Variants in XK observed in about 807,000 individuals in gnomAD.
XK encodes the protein endoplasmic reticulum membrane adapter protein XK.
A neutral mutation model predicts 14.0 loss-of-function variants in XK; 2 were observed. The observed-to-expected ratio is 0.14, with a 90% CI of 0.06 to 0.45. The LOEUF is 0.45. Among genes scored for constraint, XK ranks in the 20% least tolerant of loss-of-function variants. The probability of loss-of-function intolerance (pLI) is 0.98; values close to 1 mark genes in which losing one functional copy is unlikely to be tolerated. For synonymous variants in XK, 149 were observed against 147.5 expected, an observed-to-expected ratio of 1.01 and a Z score of -0.08; for missense variants, 235 against 341.5, an observed-to-expected ratio of 0.69 and a Z score of 2.46.
rs1001608297 is a variant in XK at position 37,691,915 on chromosome X, C to T, written c.246-2371C>T. Among the ~76,000 whole-genome samples, 113 of 111,184 alleles carry T rather than the reference C, an allele frequency of 1.0e-3. 1 individual carries two copies. The highest frequency in any genetic ancestry group is 3.4e-3 in the African/African-American group (104 of 30,594). On this transcript the variant is annotated intron_variant, in intron 1 of 2. Coordinates refer to ENST00000378616, the MANE Select transcript of XK (RefSeq NM_021083.4). Reference sequence around the variant, plus strand: ...CTCAGGAGTGAGGGTCCCTTGAGGCCAGCAGTTGGAGGCTGCAGTGAGCTA... The same window carrying T: ...CTCAGGAGTGAGGGTCCCTTGAGGCTAGCAGTTGGAGGCTGCAGTGAGCTA...
chrX:37,728,000 C>T lies in XK; in HGVS notation c.873C>T (p.Asn291=), dbSNP rs781985072. 1.7e-5 allele frequency: 20 copies of T among 1,209,516 alleles called. No individual in the cohort carries two copies. In the East Asian group the frequency reaches 5.9e-4, roughly 36 times the overall value. ...TAACTTTACTCTATACTGGTATCAA[C>T]ATGTTCTGCTGGTCTGCTGTACAGC... ...CFLTLLYTGI[N]MFCWSAVQLK... is the part of the protein sequence containing the mutation. Residue 291 remains asparagine (N), a synonymous_variant, in exon 3 of 3, where the codon AAC becomes AAT. Coordinates refer to ENST00000378616, the MANE Select transcript of XK (RefSeq NM_021083.4).
intron 2 of XK, among the ~76,000 whole-genome samples, chrX:37,713,145 G>T (rs782391092): frequency 8.9e-6 from 1 of 111,871 alleles, no homozygotes; most frequent in South Asian, 3.8e-4. Context: ...ATTTGTGTAG[G>T]TATCTGCAGG....
chrX:37,693,029 G>A (rs968405905), intron 1 of XK, among the ~76,000 whole-genome samples: 6 of 110,265 alleles, frequency 5.4e-5, no homozygotes, highest in Non-Finnish European at 9.5e-5. Flanking sequence ...ATGAACAATG[G>A]TATTAATCAC....
rs781875428 is a variant in XK, at chrX:37,729,375, T to G, written c.*913T>G. 1 of 111,917 alleles carries G rather than the reference T, an allele frequency of 8.9e-6. No individual in the cohort carries two copies. Among genetic ancestry groups the G allele is most frequent in the African/African-American group, 3.2e-5 (1 of 30,839 alleles). 9.2% of individuals were successfully genotyped at this position (111,917 alleles called of 1,213,427 possible). A position where few individuals can be genotyped will look rare whatever the true frequency, so the allele number is the denominator to read the frequency against. ...CCCAGTTCAGGTGTATAGGGAATTT[T>G]CATTTTCATTATTTCAAGGAATAGA... On this transcript the variant is annotated 3_prime_UTR_variant, in exon 3 of 3. Coordinates refer to ENST00000378616, the MANE Select transcript of XK (RefSeq NM_021083.4).
chrX:37,691,133 C>G (rs1021660493), intron 1 of XK, among the ~76,000 whole-genome samples: 1 of 112,426 alleles, frequency 8.9e-6, no homozygotes, highest in African/African-American at 3.2e-5. Flanking sequence ...GACCTTCTTT[C>G]ATTTCCATCA....
rs1556451256 is a variant in XK at position 37,731,819 on chromosome X, A to T, written c.*3357A>T. 1 of 112,282 alleles carries T rather than the reference A, an allele frequency of 8.9e-6. No homozygotes were observed. Among genetic ancestry groups the T allele is most frequent in the Non-Finnish European group, 1.9e-5 (1 of 53,223 alleles). The allele number at this position is 112,282 out of a possible 1,213,427, so 9.3% of individuals were successfully genotyped here. On this transcript the variant is annotated 3_prime_UTR_variant, in exon 3 of 3. Coordinates refer to ENST00000378616, the MANE Select transcript of XK (RefSeq NM_021083.4). ...ATTTTAGTATAGTTTTCGATAAAGG[A>T]TATAGCAACATCTTTTGATAATTGT...
At position 37,694,452 on chromosome X, in the gene XK, C is replaced by T. The variant is rs781856258; in HGVS notation, c.412C>T (p.Arg138Trp). ...AATCACCCACCGATCAGCGTTCAGCCGGGCGTCGGTGATCCAGGCTTTCTT... is the reference window on the plus strand; with the variant it reads ...AATCACCCACCGATCAGCGTTCAGCTGGGCGTCGGTGATCCAGGCTTTCTT... ...KLITHRSAFS[R>W]ASVIQAFLGS... Residue 138 changes from arginine to tryptophan, a missense_variant, in exon 2 of 3, where the codon CGG becomes TGG. Transcript: ENST00000378616. 5 of 1,190,961 alleles carry T rather than the reference C, an allele frequency of 4.2e-6. No individual in the cohort carries two copies. The highest frequency in any genetic ancestry group is 1.8e-5 in the South Asian group (1 of 54,545).
At chrX:37,723,319 C>T (rs781893050) in intron 2 of XK, among the ~76,000 whole-genome samples, 100 of 111,270 alleles carry the variant, frequency 9.0e-4, no homozygotes, top group Non-Finnish European at 1.9e-4. Flanking sequence ...TCATTCTCAT[C>T]GTTCATTAGA....
intron 2 of XK, among the ~76,000 whole-genome samples, chrX:37,698,354 G>GTGTCACACCTGTGACA (rs1927342443): frequency 6.4e-5 from 7 of 109,527 alleles, no homozygotes; most frequent in Non-Finnish European, 3.8e-5. Context: ...TGTGATCCTA[G>GTGTCACACCTGTGACA]CACTTTAGGA....
At chrX:37,688,059 CTTT>C (rs1222330719) in intron 1 of XK, among the ~76,000 whole-genome samples, 3 of 54,635 alleles carry the variant, frequency 5.5e-5, no homozygotes, top group African/African-American at 3.1e-4. Flanking sequence ...TTCTTTCTTT[CTTT>C]TTTTTTTTTT....
intron 2 of XK, among the ~76,000 whole-genome samples, chrX:37,704,681 C>A (rs1927477023): frequency 9.0e-6 from 1 of 111,472 alleles, no homozygotes; most frequent in South Asian, 3.7e-4. Flanking sequence ...ACTAAAAATA[C>A]AAAATTAGCT....
At chrX:37,718,046 T>C (rs1470121317) in intron 2 of XK, among the ~76,000 whole-genome samples, 1 of 111,769 alleles carries the variant, frequency 8.9e-6, no homozygotes, top group African/African-American at 3.2e-5. Context: ...CTAAGTATAG[T>C]AATAGTGTAC....
intron 2 of XK, among the ~76,000 whole-genome samples, chrX:37,705,326 C>T (rs1927499875): frequency 2.7e-5 from 3 of 109,961 alleles, no homozygotes; most frequent in African/African-American, 3.3e-5. Flanking sequence ...GTGGCGGGCG[C>T]CTGTAGTCCC....
intron 2 of XK, among the ~76,000 whole-genome samples, chrX:37,704,655 A>G (rs934224899): frequency 1.7e-4 from 19 of 111,742 alleles, no homozygotes; most frequent in Non-Finnish European, 1.9e-4. Context: ...GACCAACATG[A>G]TGAAACCCTG....
chrX:37,696,106 C>A (rs1927302465), intron 2 of XK, among the ~76,000 whole-genome samples: 1 of 111,831 alleles, frequency 8.9e-6, no homozygotes, highest in Admixed American at 9.5e-5. Context: ...GAAGGGTTGG[C>A]AAACTACATC....
intron 2 of XK, among the ~76,000 whole-genome samples, chrX:37,708,049 T>A (rs1157936129): frequency 1.8e-5 from 2 of 111,782 alleles, no homozygotes; most frequent in East Asian, 5.6e-4. Flanking sequence ...ACCAAAAAAA[T>A]ACGAAAACCA....
intron 2 of XK, among the ~76,000 whole-genome samples, chrX:37,702,724 T>C (rs1337352190): frequency 8.9e-6 from 1 of 112,297 alleles, no homozygotes; most frequent in East Asian, 2.8e-4. Context: ...ATAGTAGTTG[T>C]CTGATTAATA....
chrX:37,728,204 C>T lies in XK; in HGVS notation c.1077C>T (p.Tyr359=). The T allele has an allele frequency of 8.3e-7, 1 of 1,211,428 alleles. No homozygotes were observed. Among genetic ancestry groups the T allele is most frequent in the Non-Finnish European group, 1.1e-6 (1 of 895,378 alleles). Residue 359 remains tyrosine, a synonymous_variant, in exon 3 of 3, where the codon TAC becomes TAT. Transcript: ENST00000378616. ...PLLVLQLLIG[Y]CTAILFMLVF... ...TGGTCCTGCAGCTGCTCATTGGGTA[C>T]TGCACAGCCATTCTCTTCATGCTTG...
At chrX:37,711,802 C>G (rs1421195860) in intron 2 of XK, among the ~76,000 whole-genome samples, 2 of 111,269 alleles carry the variant, frequency 1.8e-5, no homozygotes, top group African/African-American at 3.3e-5. Context: ...AAAAAGACAG[C>G]TAGGTTCATC....
Sources: allele counts gnomAD v4.1 joint callset (sites outside exome capture counted in the v4.1 genomes callset), GRCh38; gene constraint gnomAD v4.1.1; transcripts MANE v1.5; gene names NCBI Gene and HGNC (gene_info 2026-07-23, HGNC 2026-07-21).